POLR3B: variants seen among roughly 807,000 people sequenced by gnomAD.
The protein encoded by POLR3B is RNA polymerase III subunit B.
A neutral mutation model predicts 147.4 loss-of-function variants in POLR3B; 96 were observed. That is an observed-to-expected ratio of 0.65 (90% CI 0.55 to 0.77). The LOEUF (loss-of-function observed/expected upper bound fraction) is 0.77. Among genes scored for constraint, POLR3B ranks in the 30% least tolerant of loss-of-function variants. POLR3B has a pLI of 0.00. For missense variants in POLR3B, 1,036 were observed against 1,413.5 expected, an observed-to-expected ratio of 0.73 and a Z score of 4.28; for synonymous variants, 461 against 485.9, an observed-to-expected ratio of 0.95 and a Z score of 0.67.
intron 11 of POLR3B, among the ~76,000 whole-genome samples, chr12:106,408,526 G>A (rs1369359585): frequency 1.3e-5 from 2 of 152,186 alleles, no homozygotes; most frequent in African/African-American, 4.8e-5. Context: ...TGATTCTAGT[G>A]CATGCTAAAG....
At chr12:106,383,977 C>CAA (rs796136154) in intron 9 of POLR3B, among the ~76,000 whole-genome samples, 4 of 108,246 alleles carry the variant, frequency 3.7e-5, no homozygotes, top group African/African-American at 3.3e-5. Context: ...GACTCCATCT[C>CAA]AAAAAAAAAA....
In POLR3B at chr12:106,459,491, C is replaced by T. The variant is rs2037908238; in HGVS notation, c.2570+123C>T. 4 of 721,998 alleles carry T rather than the reference C, an allele frequency of 5.5e-6. No individual in the cohort carries two copies. The East Asian group carries it at 8.0e-5, about 14-fold the overall frequency. The allele number at this position is 721,998 out of a possible 1,614,324, so 44.7% of individuals were successfully genotyped here. A position where few individuals can be genotyped will look rare whatever the true frequency, so the allele number is the denominator to read the frequency against. ...GAAATAGCAATTTGGGGTAGCATTA[C>T]TTGTCATGGAAAAAGCATGGCATAG... On this transcript the variant is annotated intron_variant, in intron 22 of 27. Transcript: ENST00000228347.
In POLR3B at chr12:106,399,567, C is replaced by A. The variant is rs184916633; in HGVS notation, c.847-6290C>A. 2.4e-3 allele frequency among the ~76,000 whole-genome samples: 360 copies of A among 152,270 alleles called. 3 individuals are homozygous for A. The highest frequency in any genetic ancestry group is 8.4e-3 in the African/African-American group (351 of 41,556). ...GAAATGAAAGAAAAAATGTTAAGGG[C>A]AGCCAGGGAGAAAGATCGGGTTACC... On this transcript the variant is annotated intron_variant, in intron 10 of 27. Coordinates refer to ENST00000228347, the MANE Select transcript of POLR3B (RefSeq NM_018082.6).
intron 19 of POLR3B, among the ~76,000 whole-genome samples, chr12:106,453,605 T>C (rs899636717): frequency 4.6e-5 from 7 of 152,136 alleles, no homozygotes; most frequent in Non-Finnish European, 8.8e-5. Flanking sequence ...AGCTCAGCAG[T>C]AGAGCAAGCC....
intron 15 of POLR3B, among the ~76,000 whole-genome samples, chr12:106,433,097 C>G (rs958560341): frequency 2.6e-5 from 4 of 152,154 alleles, no homozygotes; most frequent in African/African-American, 9.7e-5. Context: ...CTCCCCCTTC[C>G]TCTCATTCTA....
intron 10 of POLR3B, among the ~76,000 whole-genome samples, chr12:106,395,474 G>A (rs1039625924): frequency 6.6e-5 from 10 of 152,048 alleles, no homozygotes; most frequent in African/African-American, 1.2e-4. Flanking sequence ...CTATCAGGAG[G>A]ACAGCACCAA....
At chr12:106,409,363 T>G (rs1565887625) in intron 11 of POLR3B, among the ~76,000 whole-genome samples, 1 of 145,686 alleles carries the variant, frequency 6.9e-6, no homozygotes, top group Non-Finnish European at 1.5e-5. Context: ...TTGTTTTTTT[T>G]TTTTTTTTCT....
intron 23 of POLR3B, among the ~76,000 whole-genome samples, chr12:106,476,388 T>C (rs2038171308): frequency 3.2e-5 from 1 of 31,322 alleles, no homozygotes; most frequent in Middle Eastern, 6.4e-3. Flanking sequence ...GCATTCTCTG[T>C]ATTTCCTGAA....
At chr12:106,364,643 C>G (rs752419517) in intron 2 of POLR3B, among the ~76,000 whole-genome samples, 29 of 152,326 alleles carry the variant, frequency 1.9e-4, no homozygotes, top group Middle Eastern at 6.8e-3. Context: ...ATGCAGAAAC[C>G]TGTACACAAA....
chr12:106,378,534 G>A (rs1169436612), intron 8 of POLR3B, 150 bp downstream of exon 8: 1 of 601,932 alleles, frequency 1.7e-6, no homozygotes, highest in Non-Finnish European at 3.0e-6. Context: ...TATTATGAAA[G>A]TCTGGAAGCA....
chr12:106,393,275 A>T, intron 10 of POLR3B, 122 bp downstream of exon 10: 1 of 1,381,926 alleles, frequency 7.2e-7, no homozygotes, highest in South Asian at 1.2e-5. Context: ...TATTGGGGAG[A>T]TATGGGAGGA....
chr12:106,439,976 T>A (rs1231156161), intron 18 of POLR3B, among the ~76,000 whole-genome samples: 1 of 152,172 alleles, frequency 6.6e-6, no homozygotes, highest in Non-Finnish European at 1.5e-5. Context: ...GAAGGATCAC[T>A]TGAGCACAGT....
At chr12:106,479,384 C>T (rs563503205) in intron 23 of POLR3B, among the ~76,000 whole-genome samples, 2 of 150,368 alleles carry the variant, frequency 1.3e-5, no homozygotes, top group South Asian at 4.2e-4. Flanking sequence ...CTTTCTCTCT[C>T]TCTTTTTTTT....
At chr12:106,436,461 T>C (rs192662025) in intron 16 of POLR3B, among the ~76,000 whole-genome samples, 1 of 152,314 alleles carries the variant, frequency 6.6e-6, no homozygotes, top group African/African-American at 2.4e-5. Context: ...CTGCCAACTT[T>C]TAGCCACTCT....
At chr12:106,422,602 GT>G in intron 12 of POLR3B, among the ~76,000 whole-genome samples, 1 of 152,150 alleles carries the variant, frequency 6.6e-6, no homozygotes. Context: ...TGGATAACTG[GT>G]TGTCCCAGCT....
Position 106,509,626 on chromosome 12 carries a change from G to A in POLR3B, c.*77G>A, listed in dbSNP as rs964489207. 3.2e-5 allele frequency: 41 copies of A among 1,301,512 alleles called. No individual in the cohort carries two copies. The highest frequency in any genetic ancestry group is 1.9e-4 in the Middle Eastern group (1 of 5,356). The allele number at this position is 1,301,512 out of a possible 1,614,324, so 80.6% of individuals were successfully genotyped here. A position where few individuals can be genotyped will look rare whatever the true frequency, so the allele number is the denominator to read the frequency against. ...GAAAGCAGAAGGGATTTAGGACTAC[G>A]TCTCCTCCTGTGAAGAATTCCCTTG... is the stretch of plus-strand genomic sequence containing the variant. On this transcript the variant is annotated 3_prime_UTR_variant, in exon 28 of 28. Coordinates refer to ENST00000228347, the MANE Select transcript of POLR3B (RefSeq NM_018082.6).
rs902155226 is a variant in POLR3B at position 106,413,654 on chromosome 12, AT to A, written c.1101+2704del. On this transcript the variant is annotated intron_variant, in intron 12 of 27. Coordinates refer to ENST00000228347, the MANE Select transcript of POLR3B (RefSeq NM_018082.6). ...ATATGCCTTGGTGTGAATTTCTTTT[AT>A]TTTTTTTTTGCTTGGTATGTGCGTG... Among the ~76,000 whole-genome samples the A allele has an allele frequency of 6.3e-4, 92 of 146,556 alleles. 1 individual carries two copies. Among genetic ancestry groups the A allele is most frequent in the Admixed American group, 5.6e-3 (83 of 14,782 alleles).
intron 21 of POLR3B, among the ~76,000 whole-genome samples, chr12:106,458,278 A>G (rs12425459): frequency 0.25 from 38,235 of 151,722 alleles, 5,483 homozygotes; most frequent in African/African-American, 0.38. Context: ...ACGTGCCACC[A>G]TGCCTGGATA....
intron 1 of POLR3B, chr12:106,358,226 T>A: frequency 7.2e-7 from 1 of 1,393,360 alleles, no homozygotes. Flanking sequence ...AGCATAGGTG[T>A]GCGTGGGGAG....
Sources: gnomAD v4.1 joint callset for allele counts (sites outside exome capture counted in the v4.1 genomes callset) on GRCh38, gnomAD v4.1.1 for gene constraint, MANE v1.5 for transcripts, NCBI Gene and HGNC (gene_info 2026-07-23, HGNC 2026-07-21) for gene names.